ACAT1: variants seen among roughly 807,000 people sequenced by gnomAD.
The protein encoded by ACAT1 is acetyl-CoA acetyltransferase 1.
A neutral mutation model predicts 47.3 loss-of-function variants in ACAT1; 28 were observed. The ratio of observed to expected loss-of-function variants is 0.59; its 90% CI spans 0.44 to 0.81. The LOEUF (loss-of-function observed/expected upper bound fraction) is 0.81, where lower values mean the gene tolerates loss of function less well. Ranked by LOEUF, ACAT1 falls within the 30% of genes least tolerant of loss-of-function variation. ACAT1 has a pLI of 0.00. For missense variants in ACAT1, 469 were observed against 524.3 expected (o/e 0.89, Z 1.03); for synonymous variants, 181 against 173.6 (o/e 1.04, Z -0.34).
At position 108,142,730 on chromosome 11, in the gene ACAT1, G is replaced by A. The variant is rs187282100; in HGVS notation, c.940+180G>A. ...CATGTGCCTGTACTACCATCTACTCGGGAAGCTGAGGTGGGAGGATGCCTT... is the reference window on the plus strand; with the variant it reads ...CATGTGCCTGTACTACCATCTACTCAGGAAGCTGAGGTGGGAGGATGCCTT... On this transcript the variant is annotated intron_variant, in intron 9 of 11. Transcript: ENST00000265838. 1,904 of 585,106 alleles carry A rather than the reference G, an allele frequency of 3.3e-3. 6 individuals are homozygous for A. The highest frequency in any genetic ancestry group is 4.6e-3 in the Non-Finnish European group (1,483 of 318,978). 36.2% of individuals were successfully genotyped at this position (585,106 alleles called of 1,614,324 possible). A position where few individuals can be genotyped will look rare whatever the true frequency, so the allele number is the denominator to read the frequency against.
chr11:108,118,434 A>G (rs2135276462), upstream of ACAT1, among the ~76,000 whole-genome samples: 1 of 151,682 alleles, frequency 6.6e-6, no homozygotes, highest in South Asian at 2.1e-4. Context: ...TAGTGCAGTG[A>G]CACGATCTTG....
chr11:108,125,924 T>TA (rs564125266), intron 1 of ACAT1, among the ~76,000 whole-genome samples: 4,097 of 124,576 alleles, frequency 0.033, 151 homozygotes, highest in African/African-American at 0.098. Flanking sequence ...AGACTCCGTC[T>TA]AAAAAAAAAA....
At chr11:108,143,682 A>G (rs890738676) in intron 9 of ACAT1, 1 of 261,302 alleles carries the variant, frequency 3.8e-6, no homozygotes, top group Non-Finnish European at 7.3e-6. Context: ...GTAGATGTTT[A>G]GCAGAATCCT....
Position 108,121,628 on chromosome 11 carries a change from C to T in ACAT1, c.22C>T (p.Leu8=), listed in dbSNP as rs775668624. ...GACCATGGCTGTGCTGGCGGCACTT[C>T]TGCGCAGCGGCGCCCGCAGCCGCAG... MAVLAAL[L]RSGARSRSPL... The change falls in exon 1 of 12, where the codon CTG becomes TTG. Residue 8 remains leucine (L), a synonymous_variant. Transcript: ENST00000265838. The T allele has an allele frequency of 1.2e-5, 18 of 1,550,782 alleles. No homozygotes were observed. The Admixed American group carries it at 3.3e-4, about 29-fold the overall frequency.
At chr11:108,121,864 C>T in intron 1 of ACAT1, 186 bp downstream of exon 1, 3 of 622,950 alleles carry the variant, frequency 4.8e-6, no homozygotes, top group South Asian at 1.9e-5. Flanking sequence ...AGGGACTCGC[C>T]TATTTTTACA....
chr11:108,143,199 G>A (rs2077627280), intron 9 of ACAT1: 2 of 152,606 alleles, frequency 1.3e-5, no homozygotes, highest in Non-Finnish European at 2.9e-5. Flanking sequence ...AGTTACGTAG[G>A]AGGCTAAGGC....
intron 1 of ACAT1, among the ~76,000 whole-genome samples, chr11:108,129,906 C>G (rs1174950117): frequency 6.6e-6 from 1 of 152,046 alleles, no homozygotes; most frequent in Non-Finnish European, 1.5e-5. Context: ...TGCTTGAGTC[C>G]AGGAGTTCTG....
intron 9 of ACAT1, chr11:108,143,768 C>T (rs1034401902): frequency 5.2e-6 from 2 of 386,840 alleles, no homozygotes; most frequent in African/African-American, 2.1e-5. Flanking sequence ...TTCCTAGAGG[C>T]AAATACCCCC....
rs1420321267 is a variant in ACAT1 at position 108,142,511 on chromosome 11, G to C, written c.901G>C (p.Ala301Pro). 3 of 1,614,052 alleles carry C rather than the reference G, an allele frequency of 1.9e-6. No individual in the cohort carries two copies. Among genetic ancestry groups the C allele is most frequent in the Non-Finnish European group, 2.5e-6 (3 of 1,180,036 alleles). Residue 301 changes from alanine (A) to proline (P), a missense_variant, in exon 9 of 12, where the codon GCG (alanine) becomes CCG (proline). Coordinates refer to ENST00000265838, the MANE Select transcript of ACAT1 (RefSeq NM_000019.4). The part of the protein sequence containing the change: ...AALVLMTADA[A>P]KRLNVTPLAR... The stretch of plus-strand genomic sequence containing the variant: ...TCTGGTTCTCATGACGGCAGATGCA[G>C]CGAAGAGGCTCAATGTTACACCACT...
chr11:108,128,255 C>T (rs1402464288), intron 1 of ACAT1, among the ~76,000 whole-genome samples: 1 of 152,122 alleles, frequency 6.6e-6, no homozygotes, highest in Admixed American at 6.6e-5. Context: ...AGCAAATAGA[C>T]ACTGTAGGTA....
intron 5 of ACAT1, 186 bp from the exon 6 acceptor site, chr11:108,138,712 A>G: frequency 2.9e-6 from 2 of 694,432 alleles, no homozygotes; most frequent in Admixed American, 2.3e-5. Context: ...ATTTCTCATT[A>G]TATTATTTAA....
intron 2 of ACAT1, 146 bp downstream of exon 2, chr11:108,132,100 T>C: frequency 1.9e-6 from 1 of 526,382 alleles, no homozygotes; most frequent in Middle Eastern, 3.3e-4. Context: ...AATATTCAGT[T>C]AAAGTAGATG....
At chr11:108,122,327 A>G (rs1371431893) in intron 1 of ACAT1, among the ~76,000 whole-genome samples, 2 of 152,246 alleles carry the variant, frequency 1.3e-5, no homozygotes, top group Admixed American at 6.5e-5. Flanking sequence ...CAGAGTCTCA[A>G]AGAATTTATT....
intron 1 of ACAT1, among the ~76,000 whole-genome samples, chr11:108,130,805 A>C (rs1453226945): frequency 2.0e-5 from 3 of 152,170 alleles, no homozygotes; most frequent in African/African-American, 7.2e-5. Flanking sequence ...GCTGGAGTGC[A>C]GTGGCGTGAT....
intron 1 of ACAT1, among the ~76,000 whole-genome samples, chr11:108,124,501 C>T (rs986434947): frequency 3.3e-5 from 5 of 152,074 alleles, no homozygotes; most frequent in Non-Finnish European, 7.4e-5. Context: ...GACCAGCTCA[C>T]CAGGTGATCC....
chr11:108,146,041 T>C (rs999102598), intron 10 of ACAT1, 161 bp from the exon 11 acceptor site: 12 of 634,098 alleles, frequency 1.9e-5, no homozygotes, highest in East Asian at 1.5e-4. Flanking sequence ...AGCAAGACTG[T>C]TGGAAAAAAA....
chr11:108,120,895 C>A (rs1591349466), upstream of ACAT1, among the ~76,000 whole-genome samples: 1 of 149,440 alleles, frequency 6.7e-6, no homozygotes, highest in African/African-American at 2.5e-5. Flanking sequence ...CTAGTCTCTA[C>A]AAAAAAAAAA....
intron 10 of ACAT1, among the ~76,000 whole-genome samples, chr11:108,145,766 C>T (rs894630457): frequency 5.3e-5 from 8 of 150,596 alleles, no homozygotes; most frequent in Admixed American, 1.3e-4. Flanking sequence ...GAAAATGGGC[C>T]GGGTGCGGTG....
intron 6 of ACAT1, 144 bp from the exon 7 acceptor site, chr11:108,139,921 G>A: frequency 2.0e-6 from 2 of 976,612 alleles, no homozygotes; most frequent in Non-Finnish European, 3.0e-6. Flanking sequence ...AAAGTGCTGG[G>A]ATTACAGGCA....
Sources: gnomAD v4.1 joint callset for allele counts (sites outside exome capture counted in the v4.1 genomes callset) on GRCh38, gnomAD v4.1.1 for gene constraint, MANE v1.5 for transcripts, NCBI Gene and HGNC (gene_info 2026-07-23, HGNC 2026-07-21) for gene names.